The following PRORP variants were observed in gnomAD, a reference collection of about 807,000 sequenced individuals.
PRORP encodes the protein protein only RNase P catalytic subunit, also known as mitochondrial ribonuclease P catalytic subunit.
Under a neutral mutation model 59.4 loss-of-function variants are expected in PRORP, and 51 were observed. That is an observed-to-expected ratio of 0.86 (90% CI 0.69 to 1.08). The LOEUF (loss-of-function observed/expected upper bound fraction) is 1.08, where lower values mean the gene tolerates loss of function less well. Among genes scored for constraint, PRORP ranks in the 50% least tolerant of loss-of-function variants. PRORP has a pLI of 0.00. For missense variants in PRORP, 646 were observed against 690.3 expected (o/e 0.94, Z 0.72); for synonymous variants, 231 against 245.6 (o/e 0.94, Z 0.55).
At chr14:35,154,229 A>G (rs1348311484) in intron 4 of PRORP, among the ~76,000 whole-genome samples, 1 of 152,190 alleles carries the variant, frequency 6.6e-6, no homozygotes, top group Non-Finnish European at 1.5e-5. Context: ...GGAAGTTGTG[A>G]TTTAGGTGAA....
intron 4 of PRORP, among the ~76,000 whole-genome samples, chr14:35,162,609 G>C (rs1257214310): frequency 2.2e-5 from 1 of 44,886 alleles, no homozygotes; most frequent in East Asian, 5.1e-4. Context: ...CAATTTTTGA[G>C]GCTTATTTTT....
At chr14:35,153,699 T>C (rs1437116371) in intron 4 of PRORP, among the ~76,000 whole-genome samples, 1 of 152,216 alleles carries the variant, frequency 6.6e-6, no homozygotes, top group Non-Finnish European at 1.5e-5. Context: ...TGGATTATCT[T>C]GACTTTAAAA....
At chr14:35,125,559 C>T (rs1025803007) in intron 2 of PRORP, among the ~76,000 whole-genome samples, 1 of 152,106 alleles carries the variant, frequency 6.6e-6, no homozygotes, top group African/African-American at 2.4e-5. Flanking sequence ...AAAATTTGTT[C>T]CTTCCCTCTG....
At chr14:35,157,533 G>T (rs1054005495) in intron 4 of PRORP, among the ~76,000 whole-genome samples, 12 of 152,046 alleles carry the variant, frequency 7.9e-5, no homozygotes, top group African/African-American at 2.9e-4. Context: ...TAAAACCCAG[G>T]CACCCGCTGC....
intron 5 of PRORP, among the ~76,000 whole-genome samples, chr14:35,259,844 G>A (rs543867507): frequency 6.6e-6 from 1 of 152,240 alleles, no homozygotes; most frequent in South Asian, 2.1e-4. Context: ...GCAGTGAGCC[G>A]AGATCAGACT....
At chr14:35,152,287 T>G (rs1326693528) in intron 4 of PRORP, among the ~76,000 whole-genome samples, 2 of 152,234 alleles carry the variant, frequency 1.3e-5, no homozygotes, top group Admixed American at 1.3e-4. Flanking sequence ...GGCAGAAGAA[T>G]TTTTCTTAGT....
chr14:35,142,923 C>G (rs889918857), intron 4 of PRORP, among the ~76,000 whole-genome samples: 1 of 145,276 alleles, frequency 6.9e-6, no homozygotes, highest in African/African-American at 2.4e-5. Context: ...TCAAGTGATC[C>G]TCTTGCCTTG....
chr14:35,176,074 G>T (rs1293331189), intron 4 of PRORP, among the ~76,000 whole-genome samples: 3 of 152,026 alleles, frequency 2.0e-5, no homozygotes, highest in Non-Finnish European at 4.4e-5. Context: ...TATTTCTGAG[G>T]GCTCTGTTCT....
intron 4 of PRORP, among the ~76,000 whole-genome samples, chr14:35,161,803 C>T (rs2048066879): frequency 6.6e-6 from 1 of 152,056 alleles, no homozygotes; most frequent in African/African-American, 2.4e-5. Context: ...CTCCAAAGAT[C>T]AGTCAAGATT....
chr14:35,166,114 T>C (rs8016860), intron 4 of PRORP, among the ~76,000 whole-genome samples: 84,876 of 151,970 alleles, frequency 0.56, 23,956 homozygotes, highest in East Asian at 0.68. Context: ...CTCTGTCCCT[T>C]ATATCCATAA....
chr14:35,250,657 AG>A (rs1191616233), intron 5 of PRORP, among the ~76,000 whole-genome samples: 4 of 152,120 alleles, frequency 2.6e-5, no homozygotes, highest in Admixed American at 6.5e-5. Context: ...GAAGGTAGAG[AG>A]GTAGATTGAG....
chr14:35,261,542 A>T (rs2138636308), intron 5 of PRORP, among the ~76,000 whole-genome samples: 1 of 152,324 alleles, frequency 6.6e-6, no homozygotes, highest in Non-Finnish European at 1.5e-5. Context: ...CAGCCCGACC[A>T]ACATGGCGAA....
At chr14:35,184,689 A>G (rs948432689) in intron 5 of PRORP, among the ~76,000 whole-genome samples, 1 of 152,144 alleles carries the variant, frequency 6.6e-6, no homozygotes, top group African/African-American at 2.4e-5. Flanking sequence ...TCCCCGCTCA[A>G]GTAGACCCCA....
Position 35,123,823 on chromosome 14 carries a change from A to C in PRORP, c.578A>C (p.Glu193Ala). 1 of 1,614,088 alleles carries C rather than the reference A, an allele frequency of 6.2e-7. No individual in the cohort carries two copies. Among genetic ancestry groups the C allele is most frequent in the South Asian group, 1.1e-5 (1 of 91,084 alleles). The change falls in exon 2 of 8, where the codon GAA becomes GCA. Residue 193 changes from glutamate to alanine, a missense_variant. Physicochemically the swap from Glu to Ala is moderately radical, Grantham distance 107. Coordinates refer to ENST00000534898, the MANE Select transcript of PRORP (RefSeq NM_014672.4). ...TGTGTCTTTCATATGCAGACATCTG[A>C]AGTTATTGATGTCTTTGAAATTATG... ...YLCVFHMQTS[E>A]VIDVFEIMKA...
At chr14:35,177,533 A>G (rs955850170) in intron 4 of PRORP, among the ~76,000 whole-genome samples, 3 of 152,048 alleles carry the variant, frequency 2.0e-5, no homozygotes, top group Non-Finnish European at 4.4e-5. Flanking sequence ...ATTTGCGTAG[A>G]GGTGTTTATA....
At chr14:35,165,968 G>A (rs2048173929) in intron 4 of PRORP, among the ~76,000 whole-genome samples, 1 of 151,778 alleles carries the variant, frequency 6.6e-6, no homozygotes, top group African/African-American at 2.4e-5. Flanking sequence ...GCATGAGCCA[G>A]TGTACCTGGC....
At chr14:35,272,556 G>A (rs2051220115) in intron 7 of PRORP, among the ~76,000 whole-genome samples, 1 of 152,144 alleles carries the variant, frequency 6.6e-6, no homozygotes, top group Non-Finnish European at 1.5e-5. Flanking sequence ...TAATTCTTAA[G>A]TATAATAAAG....
chr14:35,160,064 T>C (rs1173918850), intron 4 of PRORP, among the ~76,000 whole-genome samples: 1 of 152,252 alleles, frequency 6.6e-6, no homozygotes, highest in African/African-American at 2.4e-5. Flanking sequence ...TTTCCCTTAA[T>C]CTCGTTGATT....
chr14:35,270,284 T>A, intron 6 of PRORP, 117 bp from the exon 7 acceptor site: 1 of 898,120 alleles, frequency 1.1e-6, no homozygotes, highest in African/African-American at 1.7e-5. Context: ...ACTAGCATCA[T>A]GTTGGTCAAG....
Sources: gnomAD v4.1 joint callset for allele counts (sites outside exome capture counted in the v4.1 genomes callset) on GRCh38, gnomAD v4.1.1 for gene constraint, MANE v1.5 for transcripts, NCBI Gene and HGNC (gene_info 2026-07-23, HGNC 2026-07-21) for gene names.